CUL2: variants seen among roughly 807,000 people sequenced by gnomAD.
CUL2 encodes cullin 2, also known as cullin-2.
In CUL2, 22 loss-of-function variants were observed where a neutral mutation model predicts 110.2. The ratio of observed to expected loss-of-function variants is 0.20; its 90% CI spans 0.14 to 0.28. CUL2 has a LOEUF of 0.28. Among genes scored for constraint, CUL2 ranks in the 10% least tolerant of loss-of-function variants. The probability of loss-of-function intolerance (pLI) is 1.00; values close to 1 mark genes in which losing one functional copy is unlikely to be tolerated. For synonymous variants in CUL2, 279 were observed against 293.2 expected (o/e 0.95, Z 0.49); for missense variants, 631 against 905.5 (o/e 0.70, Z 3.89).
chr10:35,017,688 G>C (rs2085070536), intron 17 of CUL2, among the ~76,000 whole-genome samples: 1 of 128,224 alleles, frequency 7.8e-6, no homozygotes, highest in Non-Finnish European at 1.7e-5. Context: ...ATGAGTATCT[G>C]TCTCAAAAAA....
intron 2 of CUL2, among the ~76,000 whole-genome samples, chr10:35,066,418 C>G (rs1361110438): frequency 6.6e-6 from 1 of 152,120 alleles, no homozygotes; most frequent in Non-Finnish European, 1.5e-5. Context: ...TCCTGCCTAC[C>G]TCCTGAGTAG....
chr10:35,035,068 T>C (rs1452317038), intron 10 of CUL2, 104 bp downstream of exon 10: 2 of 1,327,210 alleles, frequency 1.5e-6, no homozygotes, highest in South Asian at 1.3e-5. Flanking sequence ...TTCGTTGGCA[T>C]GGTAAGACTT....
intron 1 of CUL2, among the ~76,000 whole-genome samples, chr10:35,080,680 T>C (rs999866070): frequency 6.6e-6 from 1 of 152,004 alleles, no homozygotes; most frequent in African/African-American, 2.4e-5. Flanking sequence ...GGTCTTGAAC[T>C]CCTGAGCTCA....
At chr10:35,023,567 A>G (rs1191624139) in intron 17 of CUL2, among the ~76,000 whole-genome samples, 1 of 151,954 alleles carries the variant, frequency 6.6e-6, no homozygotes, top group Non-Finnish European at 1.5e-5. Flanking sequence ...CTATGTGCAT[A>G]AATTTATTTT....
chr10:35,100,413 C>A (rs1329577075), intron 2 of CUL2, among the ~76,000 whole-genome samples: 1 of 151,974 alleles, frequency 6.6e-6, no homozygotes, highest in Non-Finnish European at 1.5e-5. Context: ...GAGGCATGGC[C>A]CCTATTGCAC....
At chr10:35,099,055 AC>A (rs1414667589) in intron 2 of CUL2, among the ~76,000 whole-genome samples, 1 of 152,164 alleles carries the variant, frequency 6.6e-6, no homozygotes, top group Non-Finnish European at 1.5e-5. Flanking sequence ...GAACAAATGG[AC>A]TAAAAGACGT....
chr10:35,086,217 C>T (rs2087061589), intron 1 of CUL2, among the ~76,000 whole-genome samples: 1 of 151,848 alleles, frequency 6.6e-6, no homozygotes, highest in Admixed American at 6.6e-5. Context: ...AGAAACAAGG[C>T]CGGGCACAGT....
chr10:35,075,269 T>C (rs929579203), intron 1 of CUL2, among the ~76,000 whole-genome samples: 3 of 152,186 alleles, frequency 2.0e-5, no homozygotes, highest in Admixed American at 6.5e-5. Context: ...ATTCTCTGCT[T>C]GCCCAGCAGA....
chr10:35,072,060 G>A (rs763769398), intron 1 of CUL2, among the ~76,000 whole-genome samples: 3 of 152,156 alleles, frequency 2.0e-5, no homozygotes, highest in Non-Finnish European at 4.4e-5. Flanking sequence ...ACTCCTGAAA[G>A]TGGGGAATGA....
At chr10:35,114,538 A>C (rs544225622) in intron 1 of CUL2, among the ~76,000 whole-genome samples, 46 of 151,308 alleles carry the variant, frequency 3.0e-4, no homozygotes, top group Non-Finnish European at 5.9e-4. Context: ...GCCCGCCACC[A>C]CACCTGGCTA....
chr10:35,035,111 G>A lies in CUL2; in HGVS notation c.1002+61C>T, dbSNP rs565971194. 3.2e-6 allele frequency: 5 copies of A among 1,584,484 alleles called. No individual in the cohort carries two copies. The Admixed American group carries it at 5.1e-5, about 16-fold the overall frequency. Reference sequence around the variant, plus strand: ...CATCTTTCAAAACAATAAAGTCAAAGGAAAGGCTCCACGCTGGATCTGATT... The same window carrying A: ...CATCTTTCAAAACAATAAAGTCAAAAGAAAGGCTCCACGCTGGATCTGATT... On this transcript the variant is annotated intron_variant, in intron 10 of 20. Transcript: ENST00000374749.
intron 17 of CUL2, among the ~76,000 whole-genome samples, chr10:35,023,488 A>T (rs914392011): frequency 6.6e-6 from 1 of 152,218 alleles, no homozygotes; most frequent in Admixed American, 6.5e-5. Flanking sequence ...AACAGAAAGA[A>T]AGTTATTCTC....
intron 18 of CUL2, among the ~76,000 whole-genome samples, chr10:35,015,370 T>C (rs557326463): frequency 2.0e-5 from 3 of 152,182 alleles, no homozygotes; most frequent in South Asian, 2.1e-4. Context: ...TATGAAAACA[T>C]TGATTTGAAT....
chr10:35,018,623 T>C (rs1441287396), intron 17 of CUL2, among the ~76,000 whole-genome samples: 1 of 150,866 alleles, frequency 6.6e-6, no homozygotes, highest in African/African-American at 2.4e-5. Flanking sequence ...ATTAGCCGGG[T>C]GTGGTGGTGC....
upstream of CUL2, among the ~76,000 whole-genome samples, chr10:35,093,933 G>A (rs2087254045): frequency 6.6e-6 from 1 of 151,680 alleles, no homozygotes; most frequent in African/African-American, 2.4e-5. Context: ...TTTCATAAAA[G>A]CATGCAATTT....
At chr10:35,079,216 A>G (rs1397046042) in intron 1 of CUL2, among the ~76,000 whole-genome samples, 1 of 152,384 alleles carries the variant, frequency 6.6e-6, no homozygotes, top group Admixed American at 6.5e-5. Context: ...TTACATGACC[A>G]TGGTCTCTCA....
In CUL2 at chr10:35,116,853, A is replaced by G. The variant is rs1384502147; in HGVS notation, c.-51+9752T>C. 2.0e-5 allele frequency among the ~76,000 whole-genome samples: 3 copies of G among 151,102 alleles called. No homozygotes were observed. In the East Asian group the frequency reaches 5.8e-4, roughly 29 times the overall value. On this transcript the variant is annotated intron_variant, in intron 1 of 5. Coordinates refer to the CUL2 transcript ENST00000685421. Reference sequence around the variant, plus strand: ...ACGCCTGTAGTCCCAGCTACCCGGGAGGCTGAGGTGGGAGAATCGCTTAAA... The same window carrying G: ...ACGCCTGTAGTCCCAGCTACCCGGGGGGCTGAGGTGGGAGAATCGCTTAAA...
At chr10:35,052,693 A>G (rs2086141957) in intron 5 of CUL2, among the ~76,000 whole-genome samples, 3 of 152,128 alleles carry the variant, frequency 2.0e-5, no homozygotes, top group South Asian at 4.1e-4. Context: ...CAGGAGATCG[A>G]GACCATCCTG....
chr10:35,105,633 G>C (rs1013653010), intron 1 of CUL2, among the ~76,000 whole-genome samples: 2 of 151,232 alleles, frequency 1.3e-5, no homozygotes, highest in African/African-American at 2.4e-5. Flanking sequence ...ACTTGACCCC[G>C]GGAGGCAGAG....
Sources: allele counts gnomAD v4.1 joint callset (sites outside exome capture counted in the v4.1 genomes callset), GRCh38; gene constraint gnomAD v4.1.1; transcripts MANE v1.5; gene names NCBI Gene and HGNC (gene_info 2026-07-23, HGNC 2026-07-21).